The following FRMPD1 variants were observed in gnomAD, a reference collection of about 807,000 sequenced individuals.
FRMPD1 encodes FERM and PDZ domain containing 1, also known as FERM and PDZ domain-containing protein 1.
Under a neutral mutation model 117.8 loss-of-function variants are expected in FRMPD1, and 76 were observed. That is an observed-to-expected ratio of 0.65 (90% CI 0.54 to 0.78). The LOEUF (loss-of-function observed/expected upper bound fraction) is 0.78, where lower values mean the gene tolerates loss of function less well. Among genes scored for constraint, FRMPD1 ranks in the 30% least tolerant of loss-of-function variants. The pLI is 0.00. For synonymous variants in FRMPD1, 783 were observed against 770.4 expected (o/e 1.02, Z -0.27); for missense variants, 1,786 against 1,964.5 (o/e 0.91, Z 1.72).
chr9:37,685,206 C>A (rs1309988254), intron 1 of FRMPD1, among the ~76,000 whole-genome samples: 2 of 152,040 alleles, frequency 1.3e-5, no homozygotes, highest in African/African-American at 4.8e-5. Flanking sequence ...TTCTCTTTTC[C>A]TTTTTTAAAA....
In FRMPD1 at chr9:37,724,036, G is replaced by A. The variant is rs186535156; in HGVS notation, c.517-189G>A. 3.5e-3 allele frequency among the ~76,000 whole-genome samples: 526 copies of A among 151,906 alleles called. 3 individuals carry two copies. Among genetic ancestry groups the A allele is most frequent in the South Asian group, 0.012 (57 of 4,808 alleles). ...AAATAAAAAAAAATAAAAGCCAGTC[G>A]TGGTGGCAGGTGCCTGTAATCCCAG... On this transcript the variant is annotated intron_variant, in intron 6 of 15. Transcript: ENST00000377765.
intron 2 of FRMPD1, among the ~76,000 whole-genome samples, chr9:37,706,620 A>G (rs547384198): frequency 6.6e-6 from 1 of 152,316 alleles, no homozygotes; most frequent in South Asian, 2.1e-4. Context: ...TCTTTGAGAG[A>G]TAGAAAATAT....
At chr9:37,626,607 C>T in the FRMPD1 span, among the ~76,000 whole-genome samples, 10 of 47,136 alleles carry the variant, frequency 2.1e-4, no homozygotes, top group Non-Finnish European at 5.2e-4. Context: ...GGCAACACAG[C>T]CAGACCTGGT....
intron 3 of FRMPD1, among the ~76,000 whole-genome samples, chr9:37,708,059 T>C (rs1437275978): frequency 6.6e-6 from 1 of 152,232 alleles, no homozygotes; most frequent in African/African-American, 2.4e-5. Context: ...CGTTAAAATG[T>C]ATTGATTTCT....
At chr9:37,692,513 A>G (rs1315181836) in intron 1 of FRMPD1, 125 bp from the exon 2 acceptor site, 2 of 706,304 alleles carry the variant, frequency 2.8e-6, no homozygotes, top group African/African-American at 1.8e-5. Context: ...AGACTAAGGG[A>G]GAACACTAGT....
intron 1 of FRMPD1, among the ~76,000 whole-genome samples, chr9:37,680,952 G>T (rs1415436765): frequency 6.6e-6 from 1 of 152,172 alleles, no homozygotes; most frequent in Non-Finnish European, 1.5e-5. Flanking sequence ...GCTCATGCCT[G>T]TAATCCCAGC....
chr9:37,657,983 G>T (rs544134511), intron 1 of FRMPD1, among the ~76,000 whole-genome samples: 1 of 152,046 alleles, frequency 6.6e-6, no homozygotes, highest in African/African-American at 2.4e-5. Context: ...CTCGGCAATG[G>T]TTGCCCCATT....
chr9:37,642,580 T>C, the FRMPD1 span, among the ~76,000 whole-genome samples: 829 of 152,294 alleles, frequency 5.4e-3, 11 homozygotes, highest in African/African-American at 0.019. Flanking sequence ...GCCTAACAAA[T>C]ATTAGGTCTC....
rs1188554945 is a variant in FRMPD1, at chr9:37,740,749, G to A, written c.2221G>A (p.Gly741Ser). 1.9e-6 allele frequency: 3 copies of A among 1,614,152 alleles called. No individual in the cohort carries two copies. The South Asian group carries it at 3.3e-5, about 18-fold the overall frequency. Reference protein sequence around the residue: ...GGAPPAWGQQGWTEAQPSSML... With the variant: ...GGAPPAWGQQSWTEAQPSSML... The stretch of plus-strand genomic sequence containing the variant: ...AGCCCCGCCAGCCTGGGGTCAGCAG[G>A]GCTGGACTGAGGCCCAGCCCAGTTC... Residue 741 changes from glycine (G) to serine (S), a missense_variant, in exon 15 of 16, where the codon GGC (glycine) becomes AGC (serine). Transcript: ENST00000377765. This position sits in a 1 kb window ranked among gnomAD's most constrained non-coding sequence, Gnocchi z 4.2.
chr9:37,745,236 C>A lies in FRMPD1; in HGVS notation c.3204C>A (p.Ala1068=), dbSNP rs1824640735. ...SFCTNHIQET[A]PKYTEPLLSP... ...GTACAAATCATATACAAGAAACTGC[C>A]CCCAAATACACAGAGCCTTTGTTGT... The change falls in exon 16 of 16, where the codon GCC becomes GCA. Residue 1068 remains alanine (A), a synonymous_variant. Transcript: ENST00000377765. The A allele has an allele frequency of 2.5e-6, 4 of 1,612,348 alleles. No individual in the cohort carries two copies. The highest frequency in any genetic ancestry group is 1.3e-5 in the African/African-American group (1 of 74,882).
rs1213476882 is a variant in FRMPD1, at chr9:37,746,598, G to A, written c.4566G>A (p.Gly1522=). The A allele has an allele frequency of 1.5e-5, 24 of 1,614,022 alleles. No homozygotes were observed. Among genetic ancestry groups the A allele is most frequent in the Non-Finnish European group, 1.9e-5 (23 of 1,180,000 alleles). Reference sequence around the variant, plus strand: ...CCGCCCGGCACAGGGAGGCAGCGGGGAACCTGAGGGATGTGGTGTACACCT... The same window carrying A: ...CCGCCCGGCACAGGGAGGCAGCGGGAAACCTGAGGGATGTGGTGTACACCT... The part of the protein sequence containing the change: ...RCSARHREAA[G]NLRDVVYTYH... Residue 1522 remains glycine (G), a synonymous_variant, in exon 16 of 16, where the codon GGG becomes GGA. Transcript: ENST00000377765.
At chr9:37,624,142 T>C in the FRMPD1 span, among the ~76,000 whole-genome samples, 5 of 152,202 alleles carry the variant, frequency 3.3e-5, no homozygotes, top group Non-Finnish European at 2.9e-5. Context: ...AGTACCAGTT[T>C]CTAGTGAGAG....
At chr9:37,641,642 C>A in the FRMPD1 span, among the ~76,000 whole-genome samples, 2 of 152,264 alleles carry the variant, frequency 1.3e-5, no homozygotes, top group Admixed American at 6.5e-5. Context: ...ATGAATAAAG[C>A]CTTGTTTTTA....
At chr9:37,733,393 A>G (rs1166305630) in intron 10 of FRMPD1, 80 bp from the exon 11 acceptor site, 1 of 1,362,760 alleles carries the variant, frequency 7.3e-7, no homozygotes, top group African/African-American at 1.5e-5. Flanking sequence ...CTAAGTACTG[A>G]ATCAAATGTA....
intron 7 of FRMPD1, among the ~76,000 whole-genome samples, chr9:37,726,864 G>T (rs1157755266): frequency 6.6e-6 from 1 of 152,118 alleles, no homozygotes; most frequent in Non-Finnish European, 1.5e-5. Context: ...GACAGAAGCC[G>T]TGTGGTACAG....
At chr9:37,721,013 G>A (rs539602225) in intron 6 of FRMPD1, among the ~76,000 whole-genome samples, 1 of 152,382 alleles carries the variant, frequency 6.6e-6, no homozygotes, top group East Asian at 1.9e-4. Context: ...GGTGTGGACA[G>A]GGTCACCTGG....
chr9:37,734,412 C>T (rs1030294448), intron 12 of FRMPD1, among the ~76,000 whole-genome samples: 12 of 151,970 alleles, frequency 7.9e-5, no homozygotes, highest in Admixed American at 3.3e-4. Flanking sequence ...AGAAGAGAAA[C>T]GAGAAGCAGA....
chr9:37,724,548 G>A (rs376154970), intron 7 of FRMPD1, among the ~76,000 whole-genome samples: 9 of 151,872 alleles, frequency 5.9e-5, no homozygotes, highest in African/African-American at 1.5e-4. Flanking sequence ...GGTGGGAATC[G>A]GGACTTAGAG....
the FRMPD1 span, among the ~76,000 whole-genome samples, chr9:37,640,092 T>A: frequency 2.6e-5 from 4 of 152,220 alleles, no homozygotes; most frequent in Non-Finnish European, 5.9e-5. Context: ...GCAAATGGTT[T>A]AACTGCTGTG....
Sources: gnomAD v4.1 joint callset for allele counts (sites outside exome capture counted in the v4.1 genomes callset) on GRCh38, gnomAD v4.1.1 for gene constraint, Gnocchi (gnomAD v3.1) non-coding constraint, MANE v1.5 for transcripts, NCBI Gene and HGNC (gene_info 2026-07-23, HGNC 2026-07-21) for gene names.